PAPPA2: variants seen among roughly 807,000 people sequenced by gnomAD.
PAPPA2 encodes the protein pappalysin 2.
In PAPPA2, 86 loss-of-function variants were observed where a neutral mutation model predicts 176.4. The ratio of observed to expected loss-of-function variants is 0.49; its 90% CI spans 0.41 to 0.58. The LOEUF (loss-of-function observed/expected upper bound fraction) is 0.58, where lower values mean the gene tolerates loss of function less well. Ranked by LOEUF, PAPPA2 falls within the 20% of genes least tolerant of loss-of-function variation. PAPPA2 has a pLI of 0.00. For missense variants in PAPPA2, 2,073 were observed against 2,256.9 expected (o/e 0.92, Z 1.65); for synonymous variants, 809 against 852.2 (o/e 0.95, Z 0.88).
intron 1 of PAPPA2, among the ~76,000 whole-genome samples, chr1:176,546,628 G>T (rs1650651639): frequency 6.6e-6 from 1 of 152,160 alleles, no homozygotes; most frequent in Non-Finnish European, 1.5e-5. Flanking sequence ...AATAATTATT[G>T]CAAAAGAGAA....
At chr1:176,696,189 C>T (rs186685764) in intron 7 of PAPPA2, among the ~76,000 whole-genome samples, 27 of 151,682 alleles carry the variant, frequency 1.8e-4, no homozygotes, top group Admixed American at 1.2e-3. Context: ...TGTAGTGTTA[C>T]GTGTGCCTAC....
intron 17 of PAPPA2, among the ~76,000 whole-genome samples, chr1:176,773,678 G>A (rs183489963): frequency 9.2e-5 from 14 of 152,184 alleles, no homozygotes; most frequent in South Asian, 8.3e-4. Context: ...AGGTAATGTC[G>A]TGAAAGCATT....
chr1:176,732,458 T>A (rs1349216849), intron 12 of PAPPA2, among the ~76,000 whole-genome samples: 3 of 152,204 alleles, frequency 2.0e-5, no homozygotes, highest in Non-Finnish European at 4.4e-5. Context: ...TTCTTTCGGA[T>A]CTGCATTTAA....
intron 5 of PAPPA2, 124 bp from the exon 6 acceptor site, chr1:176,692,002 A>G (rs1475433577): frequency 1.1e-6 from 1 of 876,058 alleles, no homozygotes; most frequent in Non-Finnish European, 1.8e-6. Context: ...TCATTCAACA[A>G]GTAAGTGCTC....
At chr1:176,496,178 G>A (rs1327569676) in intron 1 of PAPPA2, among the ~76,000 whole-genome samples, 1 of 152,058 alleles carries the variant, frequency 6.6e-6, no homozygotes, top group East Asian at 1.9e-4. Context: ...TGCCATGTTG[G>A]TGTGCTGCAC....
chr1:176,793,185 C>T (rs982648444), intron 19 of PAPPA2, among the ~76,000 whole-genome samples: 1 of 152,106 alleles, frequency 6.6e-6, no homozygotes, highest in Non-Finnish European at 1.5e-5. Context: ...AGTTATGAGC[C>T]AATCAGGATA....
At chr1:176,761,209 A>G (rs568682813) in intron 14 of PAPPA2, among the ~76,000 whole-genome samples, 9 of 152,342 alleles carry the variant, frequency 5.9e-5, no homozygotes, top group Non-Finnish European at 1.2e-4. Context: ...GCGGAGAGAC[A>G]AAGAGCAAAT....
At chr1:176,592,679 C>T (rs560479782) in intron 2 of PAPPA2, among the ~76,000 whole-genome samples, 4 of 152,168 alleles carry the variant, frequency 2.6e-5, no homozygotes, top group Non-Finnish European at 4.4e-5. Context: ...TATATCTGAA[C>T]GCATACATCT....
At chr1:176,782,364 A>G (rs1265607432) in intron 17 of PAPPA2, among the ~76,000 whole-genome samples, 4 of 152,210 alleles carry the variant, frequency 2.6e-5, no homozygotes. Flanking sequence ...GTGGGAGCTG[A>G]TGATAAGCAA....
At chr1:176,518,386 C>T (rs1243022613) in intron 1 of PAPPA2, among the ~76,000 whole-genome samples, 1 of 151,124 alleles carries the variant, frequency 6.6e-6, no homozygotes, top group Non-Finnish European at 1.5e-5. Flanking sequence ...TTCTGATAAA[C>T]TGGAATGTCC....
At chr1:176,508,459 T>C (rs1414228076) in intron 1 of PAPPA2, among the ~76,000 whole-genome samples, 1 of 151,336 alleles carries the variant, frequency 6.6e-6, no homozygotes, top group African/African-American at 2.4e-5. Context: ...TTCTGAAAAA[T>C]AAAATATCTT....
chr1:176,598,969 A>G (rs370645218), intron 3 of PAPPA2, among the ~76,000 whole-genome samples: 1 of 152,130 alleles, frequency 6.6e-6, no homozygotes, highest in African/African-American at 2.4e-5. Context: ...GTTTCAGGTA[A>G]TCTTTTTTGA....
At chr1:176,642,384 A>G (rs573526881) in intron 3 of PAPPA2, among the ~76,000 whole-genome samples, 5 of 151,960 alleles carry the variant, frequency 3.3e-5, no homozygotes, top group Admixed American at 1.3e-4. Context: ...TTAAACAAGA[A>G]GAGGCTAGGT....
intron 3 of PAPPA2, among the ~76,000 whole-genome samples, chr1:176,627,791 A>G (rs892260586): frequency 6.6e-6 from 1 of 152,124 alleles, no homozygotes; most frequent in South Asian, 2.1e-4. Flanking sequence ...TCACCCACAT[A>G]ACAGTAGGAA....
chr1:176,728,456 T>C (rs1335535032), intron 12 of PAPPA2, among the ~76,000 whole-genome samples: 3 of 151,644 alleles, frequency 2.0e-5, no homozygotes, highest in Non-Finnish European at 4.4e-5. Flanking sequence ...TAACTAGAAA[T>C]AAAACTAAAA....
At chr1:176,712,361 G>A (rs1296935419) in intron 12 of PAPPA2, among the ~76,000 whole-genome samples, 1 of 152,054 alleles carries the variant, frequency 6.6e-6, no homozygotes, top group Non-Finnish European at 1.5e-5. Flanking sequence ...TTACACCACT[G>A]AGGTGGATAC....
intron 7 of PAPPA2, among the ~76,000 whole-genome samples, chr1:176,697,011 CAG>C (rs1660418114): frequency 6.6e-6 from 1 of 152,110 alleles, no homozygotes; most frequent in Non-Finnish European, 1.5e-5. Context: ...GGACTCTAAA[CAG>C]AGATTTGCAT....
chr1:176,732,632 G>A (rs1036210910), intron 12 of PAPPA2, among the ~76,000 whole-genome samples: 1 of 152,074 alleles, frequency 6.6e-6, no homozygotes, highest in African/African-American at 2.4e-5. Flanking sequence ...AGAAACATTG[G>A]CATCACCAGA....
At chr1:176,524,764 C>T (rs1649394518) in intron 1 of PAPPA2, among the ~76,000 whole-genome samples, 1 of 152,172 alleles carries the variant, frequency 6.6e-6, no homozygotes, top group South Asian at 2.1e-4. Context: ...TGGCTTACGC[C>T]TGTAATCCCA....
Sources: allele counts gnomAD v4.1 joint callset (sites outside exome capture counted in the v4.1 genomes callset), GRCh38; gene constraint gnomAD v4.1.1; transcripts MANE v1.5; gene names NCBI Gene and HGNC (gene_info 2026-07-23, HGNC 2026-07-21).